CNTNAP2: variants seen among roughly 807,000 people sequenced by gnomAD.
CNTNAP2 encodes the protein contactin-associated protein-like 2.
CNTNAP2 carries 98 observed loss-of-function variants against 155.2 expected under a neutral mutation model. The ratio of observed to expected loss-of-function variants is 0.63; its 90% CI spans 0.54 to 0.75. The LOEUF is 0.75. Among genes scored for constraint, CNTNAP2 ranks in the 30% least tolerant of loss-of-function variants. CNTNAP2 has a pLI of 0.00. For missense variants in CNTNAP2, 1,727 were observed against 1,688.1 expected (o/e 1.02, Z -0.40); for synonymous variants, 651 against 631.2 (o/e 1.03, Z -0.47).
intron 13 of CNTNAP2, among the ~76,000 whole-genome samples, chr7:147,730,158 A>T (rs1012926655): frequency 2.0e-5 from 3 of 152,120 alleles, no homozygotes; most frequent in Non-Finnish European, 4.4e-5. Context: ...TTTGAGGTAA[A>T]GGATTTCCAA....
At chr7:148,037,391 C>T (rs965498252) in intron 15 of CNTNAP2, among the ~76,000 whole-genome samples, 3 of 152,178 alleles carry the variant, frequency 2.0e-5, no homozygotes, top group African/African-American at 7.2e-5. Context: ...TGTCTCTGGG[C>T]CATGTCCAAT....
At chr7:146,871,360 A>G (rs913831233) in intron 3 of CNTNAP2, among the ~76,000 whole-genome samples, 2 of 151,834 alleles carry the variant, frequency 1.3e-5, no homozygotes, top group African/African-American at 4.8e-5. Flanking sequence ...ATGAAACCCC[A>G]TCTCTACTAA....
intron 15 of CNTNAP2, among the ~76,000 whole-genome samples, chr7:148,100,604 G>A (rs77077491): frequency 0.022 from 3,340 of 152,244 alleles, 61 homozygotes; most frequent in South Asian, 0.061. Flanking sequence ...TCTGAAAATA[G>A]CTTGTCCCTT....
chr7:147,004,212 C>CAAAAAAAAAA (rs71525979), intron 3 of CNTNAP2, among the ~76,000 whole-genome samples: 19 of 97,694 alleles, frequency 1.9e-4, no homozygotes, highest in African/African-American at 4.5e-4. Flanking sequence ...ACTCATATAC[C>CAAAAAAAAAA]AAAAAAAAAA....
intron 3 of CNTNAP2, among the ~76,000 whole-genome samples, chr7:146,912,453 G>A (rs1796303204): frequency 6.6e-6 from 1 of 151,968 alleles, no homozygotes; most frequent in Non-Finnish European, 1.5e-5. Context: ...ACAATTTTGT[G>A]GGAAATGCTA....
At chr7:147,523,910 T>C (rs1428811891) in intron 11 of CNTNAP2, among the ~76,000 whole-genome samples, 1 of 152,194 alleles carries the variant, frequency 6.6e-6, no homozygotes, top group Non-Finnish European at 1.5e-5. Context: ...TTGCCCCTAA[T>C]ACTCCTCTGC....
rs1794897407 is a variant in CNTNAP2 at position 148,174,434 on chromosome 7, G to A, written c.3010+1956G>A. ...TTCCTGTGACCGCCCCCCACCTCAG[G>A]CTGGTGCTTCAGCCAAACAGCTCAG... is the stretch of plus-strand genomic sequence containing the variant. On this transcript the variant is annotated intron_variant, in intron 18 of 23. Transcript: ENST00000361727. Among the ~76,000 whole-genome samples the A allele has an allele frequency of 3.3e-5, 5 of 152,124 alleles. No homozygotes were observed. The South Asian group carries it at 8.3e-4, about 25-fold the overall frequency.
chr7:148,194,118 A>C (rs1185331797), intron 18 of CNTNAP2, among the ~76,000 whole-genome samples: 2 of 149,158 alleles, frequency 1.3e-5, no homozygotes, highest in Non-Finnish European at 3.0e-5. Context: ...TTACAGGTGC[A>C]TGCCACCATG....
chr7:147,214,246 T>C (rs538300901), intron 8 of CNTNAP2, among the ~76,000 whole-genome samples: 2 of 152,276 alleles, frequency 1.3e-5, no homozygotes, highest in South Asian at 4.1e-4. Flanking sequence ...TTTTCTTTTA[T>C]AACTAGGAAT....
At chr7:148,079,797 C>A (rs1298206077) in intron 15 of CNTNAP2, among the ~76,000 whole-genome samples, 1 of 152,126 alleles carries the variant, frequency 6.6e-6, no homozygotes, top group African/African-American at 2.4e-5. Flanking sequence ...AATGTTAATG[C>A]TGGTCAGCTG....
intron 21 of CNTNAP2, among the ~76,000 whole-genome samples, chr7:148,340,117 CTT>C (rs968043342): frequency 1.3e-5 from 2 of 151,942 alleles, no homozygotes; most frequent in Non-Finnish European, 2.9e-5. Context: ...ATTTTTGAGA[CTT>C]GTTTAAAGAA....
At chr7:146,314,224 T>A (rs1800872988) in intron 1 of CNTNAP2, among the ~76,000 whole-genome samples, 1 of 152,224 alleles carries the variant, frequency 6.6e-6, no homozygotes, top group East Asian at 1.9e-4. Flanking sequence ...TTCGTCAGTG[T>A]TCCTCCTTAA....
chr7:147,966,556 T>C (rs1445780252), intron 14 of CNTNAP2, among the ~76,000 whole-genome samples: 1 of 152,144 alleles, frequency 6.6e-6, no homozygotes, highest in Non-Finnish European at 1.5e-5. Context: ...AGGTGGCATG[T>C]ACCCTCACAT....
intron 11 of CNTNAP2, among the ~76,000 whole-genome samples, chr7:147,511,301 G>T (rs1484395729): frequency 6.6e-6 from 1 of 151,606 alleles, no homozygotes; most frequent in Non-Finnish European, 1.5e-5. Flanking sequence ...TTTTCTTTTT[G>T]TTCTGATCTT....
intron 4 of CNTNAP2, among the ~76,000 whole-genome samples, chr7:147,080,131 A>T (rs1214443343): frequency 2.6e-5 from 4 of 151,736 alleles, no homozygotes; most frequent in Non-Finnish European, 5.9e-5. Flanking sequence ...TCATAACCAG[A>T]TTGCTCCCTG....
rs542456831 is a variant in CNTNAP2 at position 147,867,063 on chromosome 7, G to T, written c.2099-36502G>T. ...CAGCATCGATGGTCTTTACCACTTG[G>T]CATGTTTTTGTAGTGGATGATACCG... On this transcript the variant is annotated intron_variant, in intron 13 of 23. Transcript: ENST00000361727. Among the ~76,000 whole-genome samples the T allele has an allele frequency of 8.6e-4, 131 of 152,216 alleles. 2 individuals are homozygous for T. The South Asian group carries it at 0.025, about 29-fold the overall frequency.
intron 20 of CNTNAP2, among the ~76,000 whole-genome samples, chr7:148,236,223 C>T (rs1796038999): frequency 1.3e-5 from 2 of 152,160 alleles, no homozygotes; most frequent in Admixed American, 1.3e-4. Context: ...TCCAGGCGCC[C>T]ATGCCTCTCT....
At chr7:147,616,538 G>T (rs1801296796) in intron 12 of CNTNAP2, among the ~76,000 whole-genome samples, 1 of 151,848 alleles carries the variant, frequency 6.6e-6, no homozygotes, top group Non-Finnish European at 1.5e-5. Flanking sequence ...CTGCTTCATG[G>T]CCTTTCCATT....
At chr7:147,612,286 T>G (rs1194608953) in intron 12 of CNTNAP2, among the ~76,000 whole-genome samples, 1 of 152,186 alleles carries the variant, frequency 6.6e-6, no homozygotes, top group Non-Finnish European at 1.5e-5. Context: ...TATATAAAGT[T>G]TACCTGAAAT....
Sources: gnomAD v4.1 joint callset for allele counts (sites outside exome capture counted in the v4.1 genomes callset) on GRCh38, gnomAD v4.1.1 for gene constraint, MANE v1.5 for transcripts, NCBI Gene and HGNC (gene_info 2026-07-23, HGNC 2026-07-21) for gene names.